The following TUSC3 variants were observed in gnomAD, a reference collection of about 807,000 sequenced individuals.
TUSC3 encodes dolichyl-diphosphooligosaccharide--protein glycosyltransferase subunit TUSC3.
Under a neutral mutation model 44.8 loss-of-function variants are expected in TUSC3, and 45 were observed. The observed-to-expected ratio is 1.00, with a 90% CI of 0.79 to 1.29. The LOEUF is 1.29. TUSC3 is among the 50% of genes most tolerant of loss of function. The pLI, the probability that TUSC3 is intolerant of heterozygous loss-of-function variation, is 0.00. For missense variants in TUSC3, 519 were observed against 437.9 expected, an observed-to-expected ratio of 1.19 and a Z score of -1.65; for synonymous variants, 212 against 152.9, an observed-to-expected ratio of 1.39 and a Z score of -2.85.
chr8:15,428,448 A>G (rs1799832873), intron 1 of TUSC3, among the ~76,000 whole-genome samples: 1 of 151,986 alleles, frequency 6.6e-6, no homozygotes, highest in African/African-American at 2.4e-5. Context: ...ATGTGTCTTT[A>G]TAGCAGCATG....
chr8:15,643,044 C>T (rs981126826), intron 2 of TUSC3, among the ~76,000 whole-genome samples: 2 of 152,030 alleles, frequency 1.3e-5, no homozygotes, highest in Non-Finnish European at 2.9e-5. Flanking sequence ...TGGGAGGGAC[C>T]CATGTTGTTC....
chr8:15,836,648 TC>T, the TUSC3 span, among the ~76,000 whole-genome samples: 1 of 152,162 alleles, frequency 6.6e-6, no homozygotes, highest in Admixed American at 6.6e-5. Flanking sequence ...TTGCGTGACT[TC>T]CTATTATATA....
At chr8:15,842,238 T>G in the TUSC3 span, among the ~76,000 whole-genome samples, 1 of 152,096 alleles carries the variant, frequency 6.6e-6, no homozygotes, top group Non-Finnish European at 1.5e-5. Flanking sequence ...CCTTCCGACT[T>G]GGGTTAGAAG....
intron 6 of TUSC3, among the ~76,000 whole-genome samples, chr8:15,695,734 G>A (rs1237904804): frequency 6.6e-6 from 1 of 152,192 alleles, no homozygotes; most frequent in Non-Finnish European, 1.5e-5. Flanking sequence ...GACTAAGGTG[G>A]TCTCAGATGG....
downstream of TUSC3, among the ~76,000 whole-genome samples, chr8:15,769,859 A>G (rs1487844653): frequency 6.6e-6 from 1 of 152,228 alleles, no homozygotes; most frequent in South Asian, 2.1e-4. Flanking sequence ...AATTAAAACC[A>G]CAGTGAGATA....
chr8:15,662,646 T>C (rs1807476224), intron 5 of TUSC3, among the ~76,000 whole-genome samples: 1 of 152,028 alleles, frequency 6.6e-6, no homozygotes, highest in African/African-American at 2.4e-5. Context: ...CATTCAGCTA[T>C]TTCTTTTCTG....
intron 5 of TUSC3, among the ~76,000 whole-genome samples, chr8:15,665,469 T>A (rs1358684107): frequency 6.6e-6 from 1 of 151,308 alleles, no homozygotes; most frequent in Non-Finnish European, 1.5e-5. Flanking sequence ...AGGCTCATAT[T>A]TTTTTTGTCT....
intron 1 of TUSC3, 112 bp from the exon 2 acceptor site, chr8:15,622,968 A>T (rs758831367): frequency 3.2e-5 from 34 of 1,073,214 alleles, no homozygotes; most frequent in Middle Eastern, 6.0e-4. Context: ...TCTTTTCTAT[A>T]AACTTGGATA....
chr8:15,465,424 G>A (rs538853838), intron 1 of TUSC3, among the ~76,000 whole-genome samples: 1 of 152,240 alleles, frequency 6.6e-6, no homozygotes, highest in African/African-American at 2.4e-5. Context: ...CACCAATGTG[G>A]TCCACAATCT....
the TUSC3 span, among the ~76,000 whole-genome samples, chr8:15,820,793 G>A: frequency 1.3e-5 from 2 of 152,152 alleles, no homozygotes; most frequent in Admixed American, 6.5e-5. Flanking sequence ...TTTTATTTTG[G>A]AAAGGCTTTA....
At chr8:15,537,432 C>G (rs1011007491), upstream of TUSC3, among the ~76,000 whole-genome samples, 1 of 152,172 alleles carries the variant, frequency 6.6e-6, no homozygotes, top group South Asian at 2.1e-4. Flanking sequence ...CCGACCACCT[C>G]GGGCACATGT....
chr8:15,583,487 TC>T (rs1249602650), intron 1 of TUSC3, among the ~76,000 whole-genome samples: 1 of 152,232 alleles, frequency 6.6e-6, no homozygotes, highest in African/African-American at 2.4e-5. Context: ...TTATTATTGT[TC>T]CCTTTGAATT....
At chr8:15,593,744 C>G (rs1803951170) in intron 1 of TUSC3, among the ~76,000 whole-genome samples, 1 of 151,974 alleles carries the variant, frequency 6.6e-6, no homozygotes, top group Non-Finnish European at 1.5e-5. Flanking sequence ...TCAGTTTTTC[C>G]CTTTCTACAT....
chr8:15,446,803 T>A (rs1243538950), intron 1 of TUSC3, among the ~76,000 whole-genome samples: 4 of 146,552 alleles, frequency 2.7e-5, no homozygotes, highest in African/African-American at 7.6e-5. Context: ...ATTTACAGAT[T>A]AAATAAAGAC....
intron 1 of TUSC3, among the ~76,000 whole-genome samples, chr8:15,426,877 C>G (rs143244313): frequency 1.3e-3 from 203 of 152,314 alleles, no homozygotes; most frequent in African/African-American, 4.4e-3. Context: ...TCCACATTTT[C>G]TACATCCTTT....
chr8:15,626,895 A>C (rs1319112836), intron 2 of TUSC3, among the ~76,000 whole-genome samples: 1 of 152,204 alleles, frequency 6.6e-6, no homozygotes, highest in Non-Finnish European at 1.5e-5. Context: ...CCTGGGCACC[A>C]TGAATGGCTG....
chr8:15,674,570 CTCTCA>C (rs1808097954), intron 6 of TUSC3, among the ~76,000 whole-genome samples: 1 of 151,674 alleles, frequency 6.6e-6, no homozygotes, highest in African/African-American at 2.4e-5. Flanking sequence ...ACTTTTTCAG[CTCTCA>C]TCTCATAACT....
At chr8:15,422,695 A>G (rs1224290922) in intron 1 of TUSC3, among the ~76,000 whole-genome samples, 1 of 152,126 alleles carries the variant, frequency 6.6e-6, no homozygotes, top group Non-Finnish European at 1.5e-5. Flanking sequence ...TCTGTCACCC[A>G]GGCTGGGGTA....
At chr8:15,553,705 G>T (rs976929032) in intron 1 of TUSC3, among the ~76,000 whole-genome samples, 1 of 151,686 alleles carries the variant, frequency 6.6e-6, no homozygotes, top group East Asian at 2.0e-4. Flanking sequence ...AGGAAGTGGA[G>T]GCAGCCAACA....
Sources: gnomAD v4.1 joint callset for allele counts (sites outside exome capture counted in the v4.1 genomes callset) on GRCh38, gnomAD v4.1.1 for gene constraint, MANE v1.5 for transcripts, NCBI Gene and HGNC (gene_info 2026-07-23, HGNC 2026-07-21) for gene names.